The following ESRRB variants were observed in gnomAD, a reference collection of about 807,000 sequenced individuals.
The protein encoded by ESRRB is estrogen related receptor beta.
In ESRRB, 16 loss-of-function variants were observed where a neutral mutation model predicts 46.0. That is an observed-to-expected ratio of 0.35 (90% CI 0.24 to 0.53). The LOEUF (loss-of-function observed/expected upper bound fraction) is 0.53, where lower values mean the gene tolerates loss of function less well. ESRRB is among the 20% of genes least tolerant of loss of function. The probability of loss-of-function intolerance (pLI) is 0.93; values close to 1 mark genes in which losing one functional copy is unlikely to be tolerated. For missense variants in ESRRB, 488 were observed against 607.4 expected, an observed-to-expected ratio of 0.80 and a Z score of 2.07; for synonymous variants, 246 against 259.6, an observed-to-expected ratio of 0.95 and a Z score of 0.50.
At position 76,500,550 on chromosome 14, in the gene ESRRB, T is replaced by C; in HGVS notation, c.*2092T>C. On this transcript the variant is annotated 3_prime_UTR_variant, in exon 7 of 7. Transcript: ENST00000644823. ...ACAGTAGAGACCTTGGGGTGTGTGC[T>C]TTGGGACTCCCTCAGTCTCTCACTG... is the stretch of plus-strand genomic sequence containing the variant. 1 of 793,926 alleles carries C rather than the reference T, an allele frequency of 1.3e-6. No homozygotes were observed. Among genetic ancestry groups the C allele is most frequent in the Non-Finnish European group, 2.2e-6 (1 of 456,528 alleles). The allele number at this position is 793,926 out of a possible 1,614,324, so 49.2% of individuals were successfully genotyped here.
At chr14:76,353,348 C>CCCT (rs1178484351) in intron 1 of ESRRB, among the ~76,000 whole-genome samples, 1 of 152,158 alleles carries the variant, frequency 6.6e-6, no homozygotes. Context: ...AGCTGAAAGG[C>CCCT]CCTCATCTCT....
chr14:76,438,386 G>A (rs375876674), intron 1 of ESRRB, among the ~76,000 whole-genome samples: 19 of 152,218 alleles, frequency 1.2e-4, no homozygotes, highest in African/African-American at 4.1e-4. Flanking sequence ...CATTGGCTGG[G>A]TGCAGTGGCT....
upstream of ESRRB, among the ~76,000 whole-genome samples, chr14:76,371,147 A>G (rs1192155742): frequency 6.6e-6 from 1 of 152,244 alleles, no homozygotes; most frequent in Non-Finnish European, 1.5e-5. Flanking sequence ...TTACGGCTTC[A>G]GGAAAAGCCA....
At chr14:76,429,991 C>CCTTCCTGT (rs1478405669) in intron 1 of ESRRB, among the ~76,000 whole-genome samples, 4 of 152,064 alleles carry the variant, frequency 2.6e-5, no homozygotes, top group African/African-American at 9.6e-5. Flanking sequence ...TGCCTTCCTG[C>CCTTCCTGT]CTTCCTGTCT....
At chr14:76,369,476 G>A (rs928684429), upstream of ESRRB, among the ~76,000 whole-genome samples, 3 of 151,888 alleles carry the variant, frequency 2.0e-5, no homozygotes, top group Non-Finnish European at 4.4e-5. Flanking sequence ...GTCTCGCCAT[G>A]TTGCCCAGGG....
chr14:76,477,021 G>C (rs972557472), intron 3 of ESRRB, among the ~76,000 whole-genome samples: 2 of 151,828 alleles, frequency 1.3e-5, no homozygotes, highest in Non-Finnish European at 2.9e-5. Context: ...GAACCTGGGA[G>C]GCGGAGGTTG....
intron 1 of ESRRB, among the ~76,000 whole-genome samples, chr14:76,336,074 C>T (rs995176126): frequency 2.7e-4 from 41 of 152,186 alleles, no homozygotes; most frequent in African/African-American, 8.4e-4. Flanking sequence ...GCTGTAAACA[C>T]GCCGTGTCAT....
chr14:76,498,741 G>C lies in ESRRB; in HGVS notation c.*283G>C, dbSNP rs776324970. ...CGGTGCGGAGGCCTGGGCCAGGGCTGACTCCCTTCAGGAGTGGAGGCCACT... is the reference window on the plus strand; with the variant it reads ...CGGTGCGGAGGCCTGGGCCAGGGCTCACTCCCTTCAGGAGTGGAGGCCACT... On this transcript the variant is annotated 3_prime_UTR_variant, in exon 7 of 7. Coordinates refer to ENST00000644823, the MANE Select transcript of ESRRB (RefSeq NM_001379180.1). 2 of 1,011,238 alleles carry C rather than the reference G, an allele frequency of 2.0e-6. No individual in the cohort carries two copies. Among genetic ancestry groups the C allele is most frequent in the Non-Finnish European group, 3.0e-6 (2 of 669,190 alleles). 62.6% of individuals were successfully genotyped at this position (1,011,238 alleles called of 1,614,324 possible).
At chr14:76,330,449 C>G (rs1012463767) in intron 1 of ESRRB, among the ~76,000 whole-genome samples, 1 of 152,248 alleles carries the variant, frequency 6.6e-6, no homozygotes, top group Non-Finnish European at 1.5e-5. Flanking sequence ...AAAGCAGGAA[C>G]TAACCACGAA....
intron 1 of ESRRB, among the ~76,000 whole-genome samples, chr14:76,311,839 G>A (rs541412166): frequency 8.9e-4 from 135 of 152,262 alleles, no homozygotes; most frequent in Middle Eastern, 3.4e-3. Flanking sequence ...GTGTCCACGG[G>A]GCTTACCTGC....
chr14:76,481,462 A>G (rs1228846963), intron 3 of ESRRB, among the ~76,000 whole-genome samples: 1 of 152,228 alleles, frequency 6.6e-6, no homozygotes, highest in Non-Finnish European at 1.5e-5. Context: ...TGGCCAGCCC[A>G]ACTGTTGCAT....
At chr14:76,487,082 A>G (rs979792013) in intron 5 of ESRRB, among the ~76,000 whole-genome samples, 3 of 152,098 alleles carry the variant, frequency 2.0e-5, no homozygotes, top group Non-Finnish European at 4.4e-5. Flanking sequence ...AGATACAACC[A>G]CTGTGTGAGG....
chr14:76,400,804 G>A (rs1422674738), intron 1 of ESRRB, among the ~76,000 whole-genome samples: 2 of 152,218 alleles, frequency 1.3e-5, no homozygotes, highest in East Asian at 3.8e-4. Context: ...GCTCCTATGG[G>A]TGGGGCTCCA....
intron 5 of ESRRB, among the ~76,000 whole-genome samples, chr14:76,486,633 G>A (rs866503041): frequency 1.3e-5 from 2 of 152,074 alleles, no homozygotes; most frequent in Admixed American, 6.6e-5. Context: ...AGCTTGGGGA[G>A]AGCCTGAATG....
At chr14:76,393,635 T>C (rs968739433) in intron 1 of ESRRB, among the ~76,000 whole-genome samples, 42 of 151,782 alleles carry the variant, frequency 2.8e-4, no homozygotes, top group African/African-American at 1.0e-3. Flanking sequence ...AGGTGGAGAG[T>C]GTGGCCAGGT....
At chr14:76,360,218 C>A (rs1039030193) in intron 1 of ESRRB, among the ~76,000 whole-genome samples, 8 of 152,056 alleles carry the variant, frequency 5.3e-5, no homozygotes, top group Non-Finnish European at 1.2e-4. Context: ...CTGAGTCCAG[C>A]GTGTTGTATG....
intron 1 of ESRRB, among the ~76,000 whole-genome samples, chr14:76,311,079 G>T (rs1883727649): frequency 6.7e-6 from 1 of 149,396 alleles, no homozygotes; most frequent in South Asian, 2.1e-4. Flanking sequence ...GCACTCTAAA[G>T]CATCCCTGTG....
intron 6 of ESRRB, among the ~76,000 whole-genome samples, chr14:76,496,420 C>T (rs1385414820): frequency 6.6e-6 from 1 of 152,156 alleles, no homozygotes; most frequent in East Asian, 1.9e-4. Context: ...GGAGTGTAAA[C>T]TTCTGTAGTG....
Position 76,499,858 on chromosome 14 carries a change from C to A in ESRRB, c.*1400C>A, listed in dbSNP as rs548241296. The A allele has an allele frequency of 5.0e-6, 8 of 1,613,974 alleles. No individual in the cohort carries two copies. The South Asian group carries it at 8.8e-5, about 18-fold the overall frequency. ...GCAGCCCTGAACACCCATTTGTGCT[C>A]ACAGGTTGGCCAAGAGCAGCTTAGA... On this transcript the variant is annotated 3_prime_UTR_variant, in exon 7 of 7. Transcript: ENST00000644823.
Sources: allele counts gnomAD v4.1 joint callset (sites outside exome capture counted in the v4.1 genomes callset), GRCh38; gene constraint gnomAD v4.1.1; transcripts MANE v1.5; gene names NCBI Gene and HGNC (gene_info 2026-07-23, HGNC 2026-07-21).